Variants in ZNF398 observed in about 807,000 individuals in gnomAD.
ZNF398 encodes zinc finger DNA binding protein ZER6.
ZNF398 carries 18 observed loss-of-function variants against 41.9 expected under a neutral mutation model. The ratio of observed to expected loss-of-function variants is 0.43; its 90% CI spans 0.30 to 0.64. The LOEUF (loss-of-function observed/expected upper bound fraction) is 0.64. Among genes scored for constraint, ZNF398 ranks in the 30% least tolerant of loss-of-function variants. ZNF398 has a pLI of 0.14. For missense variants in ZNF398, 669 were observed against 822.8 expected (o/e 0.81, Z 2.29); for synonymous variants, 260 against 308.8 (o/e 0.84, Z 1.66).
intron 2 of ZNF398, among the ~76,000 whole-genome samples, chr7:149,164,097 G>A: frequency 6.6e-6 from 1 of 151,466 alleles, no homozygotes; most frequent in East Asian, 1.9e-4. Flanking sequence ...GGGTGATGGA[G>A]CAAGACTCCA....
At chr7:149,176,818 A>T (rs1795469293) in intron 5 of ZNF398, among the ~76,000 whole-genome samples, 1 of 152,230 alleles carries the variant, frequency 6.6e-6, no homozygotes, top group Non-Finnish European at 1.5e-5. Context: ...AAGAAAAACA[A>T]GTGCATACAG....
At chr7:149,176,372 T>A (rs1315305945) in intron 4 of ZNF398, 96 bp from the exon 5 acceptor site, 5 of 872,112 alleles carry the variant, frequency 5.7e-6, no homozygotes, top group Non-Finnish European at 9.5e-6. Flanking sequence ...AGGAAAAATA[T>A]TTGGGGCAAA....
In ZNF398 at chr7:149,180,777, A is replaced by G. The variant is rs1487928739; in HGVS notation, c.*976A>G. The stretch of plus-strand genomic sequence containing the variant: ...AATCATCAGCAACAAAGATCACAGC[A>G]CTTTCCAGAAGCATGGAGCTTCAGA... On this transcript the variant is annotated 3_prime_UTR_variant, in exon 6 of 6. Coordinates refer to ENST00000475153, the MANE Select transcript of ZNF398 (RefSeq NM_170686.3). 3 of 152,206 alleles carry G rather than the reference A, an allele frequency of 2.0e-5. No homozygotes were observed. 9.4% of individuals were successfully genotyped at this position (152,206 alleles called of 1,614,324 possible).
chr7:149,176,887 AG>A (rs1201123616), intron 5 of ZNF398, among the ~76,000 whole-genome samples: 1 of 152,198 alleles, frequency 6.6e-6, no homozygotes, highest in Non-Finnish European at 1.5e-5. Context: ...TCATGTAGAA[AG>A]GGTAGAAAAC....
At chr7:149,146,832 G>T (rs1489915246), upstream of ZNF398, among the ~76,000 whole-genome samples, 1 of 152,084 alleles carries the variant, frequency 6.6e-6, no homozygotes, top group Non-Finnish European at 1.5e-5. Context: ...GGGCGACGGA[G>T]TGAGACTCCG....
intron 1 of ZNF398, among the ~76,000 whole-genome samples, chr7:149,128,257 G>A (rs1408454746): frequency 6.6e-6 from 1 of 152,116 alleles, no homozygotes; most frequent in Non-Finnish European, 1.5e-5. Flanking sequence ...GGAAAGGCGG[G>A]ACAACTCCAA....
chr7:149,160,126 G>T (rs1795075847), intron 2 of ZNF398, among the ~76,000 whole-genome samples: 1 of 152,108 alleles, frequency 6.6e-6, no homozygotes, highest in East Asian at 1.9e-4. Flanking sequence ...ATTTCTTTGT[G>T]TTGGGAACAC....
intron 4 of ZNF398, among the ~76,000 whole-genome samples, chr7:149,167,349 C>T (rs1264433052): frequency 1.3e-5 from 2 of 152,188 alleles, no homozygotes; most frequent in African/African-American, 4.8e-5. Context: ...TGACATCCAC[C>T]TGGGCAACAT....
intron 2 of ZNF398, among the ~76,000 whole-genome samples, chr7:149,156,664 GC>G (rs1376011610): frequency 1.3e-5 from 2 of 151,144 alleles, no homozygotes; most frequent in Non-Finnish European, 3.0e-5. Flanking sequence ...TTTGAGACCA[GC>G]CTGACCAACA....
At chr7:149,169,224 A>G (rs1196711622) in intron 4 of ZNF398, among the ~76,000 whole-genome samples, 1 of 152,148 alleles carries the variant, frequency 6.6e-6, no homozygotes, top group South Asian at 2.1e-4. Context: ...AGCTGGGACT[A>G]TAGGCATGTG....
At chr7:149,159,728 A>T (rs562974091) in intron 2 of ZNF398, among the ~76,000 whole-genome samples, 439 of 151,100 alleles carry the variant, frequency 2.9e-3, no homozygotes, top group Non-Finnish European at 4.1e-3. Flanking sequence ...AAAAAAAAAA[A>T]ATTTTTTTTT....
intron 2 of ZNF398, among the ~76,000 whole-genome samples, chr7:149,160,926 G>T (rs988559662): frequency 2.0e-5 from 3 of 152,070 alleles, no homozygotes; most frequent in Non-Finnish European, 4.4e-5. Context: ...GACTGAGGGG[G>T]CTAGAGTGGG....
At chr7:149,131,040 T>C (rs181630551) in intron 2 of ZNF398, among the ~76,000 whole-genome samples, 2 of 152,300 alleles carry the variant, frequency 1.3e-5, no homozygotes, top group African/African-American at 4.8e-5. Context: ...TGGTTAATAC[T>C]ATCTGGGAGG....
intron 4 of ZNF398, among the ~76,000 whole-genome samples, chr7:149,175,269 C>T (rs1479650570): frequency 1.3e-5 from 2 of 151,946 alleles, no homozygotes; most frequent in African/African-American, 4.8e-5. Flanking sequence ...TGAGAAATAA[C>T]TATAGAGAGC....
chr7:149,148,309 C>G (rs894036106), intron 1 of ZNF398: 1 of 352,114 alleles, frequency 2.8e-6, no homozygotes, highest in African/African-American at 2.2e-5. Flanking sequence ...CTGGAGTGGC[C>G]TCGCGTGCGT....
intron 1 of ZNF398, among the ~76,000 whole-genome samples, chr7:149,127,279 TAGAA>T (rs1480768712): frequency 8.1e-6 from 1 of 122,850 alleles, no homozygotes; most frequent in East Asian, 3.5e-4. Context: ...AGTGTGTAGT[TAGAA>T]AGGATGTCCA....
At chr7:149,166,768 T>C (rs1563163596) in intron 3 of ZNF398, 49 bp from the exon 4 acceptor site, 2 of 1,360,482 alleles carry the variant, frequency 1.5e-6, no homozygotes, top group Non-Finnish European at 2.1e-6. Flanking sequence ...TTAGTTGTCA[T>C]CCTCATTTAT....
In ZNF398 at chr7:149,154,333, T is replaced by C; in HGVS notation, c.413T>C (p.Ile138Thr). Reference sequence around the variant, plus strand: ...CTCCCTCCAGGTATTAAGGGAGATATCCCAAAGGTAATACCTTCATTTCTA... The same window carrying C: ...CTCCCTCCAGGTATTAAGGGAGATACCCCAAAGGTAATACCTTCATTTCTA... ...LRLPPGIKGD[I>T]PKVPVAFDDV... The change falls in exon 2 of 6, where the codon ATC (isoleucine) becomes ACC (threonine). Residue 138 changes from isoleucine to threonine, a missense_variant. Ile to Thr is a moderately conservative substitution (Grantham distance 89). This residue lies in a region of ZNF398 where 169 missense variants were observed against 239.5 expected (regional missense o/e 0.71). Coordinates refer to ENST00000475153, the MANE Select transcript of ZNF398 (RefSeq NM_170686.3). The C allele has an allele frequency of 1.2e-6, 2 of 1,609,802 alleles. No homozygotes were observed. The highest frequency in any genetic ancestry group is 1.7e-6 in the Non-Finnish European group (2 of 1,177,582).
chr7:149,159,084 T>G (rs1277620465), intron 2 of ZNF398, among the ~76,000 whole-genome samples: 1 of 150,708 alleles, frequency 6.6e-6, no homozygotes, highest in Non-Finnish European at 1.5e-5. Flanking sequence ...GGTCAAACGA[T>G]TCTCCTGCCT....
Sources: gnomAD v4.1 joint callset for allele counts (sites outside exome capture counted in the v4.1 genomes callset) on GRCh38, gnomAD v4.1.1 for gene constraint, gnomAD v4.1.1 regional missense constraint, MANE v1.5 for transcripts, NCBI Gene and HGNC (gene_info 2026-07-23, HGNC 2026-07-21) for gene names.